RGL1: variants seen among roughly 807,000 people sequenced by gnomAD.
The protein encoded by RGL1 is ral guanine nucleotide dissociation stimulator-like 1.
In RGL1, 24 loss-of-function variants were observed where a neutral mutation model predicts 95.2. The observed-to-expected ratio is 0.25, with a 90% CI of 0.18 to 0.35. The LOEUF (loss-of-function observed/expected upper bound fraction) is 0.35. Among genes scored for constraint, RGL1 ranks in the 10% least tolerant of loss-of-function variants. The probability of loss-of-function intolerance (pLI) is 1.00; values close to 1 mark genes in which losing one functional copy is unlikely to be tolerated. For synonymous variants in RGL1, 329 were observed against 344.9 expected (o/e 0.95, Z 0.51); for missense variants, 715 against 936.3 (o/e 0.76, Z 3.08).
intron 2 of RGL1, among the ~76,000 whole-genome samples, chr1:183,776,638 G>T (rs1171001598): frequency 6.6e-6 from 1 of 152,204 alleles, no homozygotes; most frequent in Non-Finnish European, 1.5e-5. Flanking sequence ...TGGAGGCGGG[G>T]AGTGTCCCAT....
Position 183,926,252 on chromosome 1 carries a change from G to A in RGL1, c.2267G>A (p.Arg756Gln), listed in dbSNP as rs951455326. 1.1e-5 allele frequency: 18 copies of A among 1,613,030 alleles called. No homozygotes were observed. Among genetic ancestry groups the A allele is most frequent in the African/African-American group, 6.7e-5 (5 of 74,904 alleles). The change falls in exon 18 of 18, where the codon CGG becomes CAG. Residue 756 changes from arginine to glutamine, a missense_variant. Arg to Gln is a conservative substitution (Grantham distance 43). Transcript: ENST00000360851. ...TSLTLPRTAK[R>Q]GCWSNRHSKI... ...TTGACGTTGCCCAGGACAGCTAAAC[G>A]GGGCTGCTGGAGTAACAGACACAGC... is the stretch of plus-strand genomic sequence containing the variant.
chr1:183,916,102 G>T (rs536526539), intron 15 of RGL1, among the ~76,000 whole-genome samples: 1 of 152,174 alleles, frequency 6.6e-6, no homozygotes, highest in Non-Finnish European at 1.5e-5. Context: ...CTCCAGCCCC[G>T]TAAGCTTCTG....
At chr1:183,865,689 T>TG (rs1236892465) in intron 3 of RGL1, among the ~76,000 whole-genome samples, 2 of 152,208 alleles carry the variant, frequency 1.3e-5, no homozygotes, top group Non-Finnish European at 2.9e-5. Context: ...TATTATGTAA[T>TG]AGCCGATTCT....
At chr1:183,832,100 G>A (rs150629965) in intron 2 of RGL1, among the ~76,000 whole-genome samples, 4 of 152,282 alleles carry the variant, frequency 2.6e-5, no homozygotes, top group African/African-American at 7.2e-5. Flanking sequence ...GATAAGACTA[G>A]AGGCAAGTGA....
intron 9 of RGL1, among the ~76,000 whole-genome samples, chr1:183,894,297 C>T (rs1240293583): frequency 1.3e-5 from 2 of 152,214 alleles, no homozygotes; most frequent in South Asian, 2.1e-4. Flanking sequence ...AGAAGTGAAG[C>T]TGTATCTAGA....
intron 4 of RGL1, among the ~76,000 whole-genome samples, chr1:183,866,995 C>T (rs972674650): frequency 2.6e-5 from 4 of 152,032 alleles, no homozygotes; most frequent in Admixed American, 2.6e-4. Flanking sequence ...CAGATGCTTC[C>T]CAGGGTTGCG....
chr1:183,805,210 C>G lies in RGL1; in HGVS notation c.-88C>G. On this transcript the variant is annotated 5_prime_UTR_variant, in exon 1 of 18. Transcript: ENST00000360851. ...GCTCGGGACCGGGACCGGGGCGAGG[C>G]GCCGCGGGGCTGAGCCCAGCAGACA... 6.4e-7 allele frequency: 1 copy of G among 1,551,100 alleles called. No homozygotes were observed. The highest frequency in any genetic ancestry group is 8.7e-7 in the Non-Finnish European group (1 of 1,147,150).
chr1:183,883,874 A>G lies in RGL1; in HGVS notation c.699A>G (p.Glu233=), dbSNP rs1266941498. 6.2e-7 allele frequency: 1 copy of G among 1,614,098 alleles called. No homozygotes were observed. Among genetic ancestry groups the G allele is most frequent in the South Asian group, 1.1e-5 (1 of 91,086 alleles). ...GESAEFTCFS[E]DLVAEQLTYM... ...CAGCAGAATTCACGTGCTTCTCAGA[A>G]GATCTCGTGGCAGAGCAGCTGACCT... Residue 233 remains glutamate (E), a synonymous_variant, in exon 6 of 18, where the codon GAA becomes GAG. Transcript: ENST00000360851.
chr1:183,639,282 CAA>C (rs1306405130), intron 1 of RGL1, among the ~76,000 whole-genome samples: 12 of 70,800 alleles, frequency 1.7e-4, no homozygotes, highest in Admixed American at 3.3e-4. Flanking sequence ...CACTTCATCT[CAA>C]AAAAAAAAAA....
chr1:183,906,112 CA>C (rs879612126), intron 13 of RGL1, among the ~76,000 whole-genome samples: 45 of 141,140 alleles, frequency 3.2e-4, no homozygotes, highest in South Asian at 6.7e-4. Flanking sequence ...TAAGTATTTA[CA>C]AAAAAAAAAA....
At chr1:183,750,036 C>G (rs748770464) in intron 2 of RGL1, among the ~76,000 whole-genome samples, 49 of 152,198 alleles carry the variant, frequency 3.2e-4, no homozygotes, top group Non-Finnish European at 6.3e-4. Context: ...GATTATGTGT[C>G]TTGGGGTTGC....
At chr1:183,721,212 C>T (rs1655997840) in intron 1 of RGL1, among the ~76,000 whole-genome samples, 1 of 152,158 alleles carries the variant, frequency 6.6e-6, no homozygotes, top group Non-Finnish European at 1.5e-5. Flanking sequence ...CTCTGTGTAG[C>T]CTGGTTTCCT....
chr1:183,851,751 C>G (rs796873877), intron 3 of RGL1, among the ~76,000 whole-genome samples: 3 of 152,276 alleles, frequency 2.0e-5, no homozygotes, highest in African/African-American at 7.2e-5. Flanking sequence ...ATGAGTATTT[C>G]TTCCTTGCTT....
intron 1 of RGL1, among the ~76,000 whole-genome samples, chr1:183,679,267 C>T (rs1174681): frequency 0.4 from 60,494 of 151,612 alleles, 12,327 homozygotes; most frequent in African/African-American, 0.48. Context: ...CTTTAAGTTC[C>T]GGGATACATG....
intron 2 of RGL1, among the ~76,000 whole-genome samples, chr1:183,837,787 G>A (rs1455625862): frequency 6.6e-6 from 1 of 152,156 alleles, no homozygotes; most frequent in Non-Finnish European, 1.5e-5. Flanking sequence ...GGGGTTGAGG[G>A]GTGTTCGTTT....
intron 1 of RGL1, among the ~76,000 whole-genome samples, chr1:183,669,858 AG>A (rs146645503): frequency 0.073 from 11,149 of 152,188 alleles, 715 homozygotes; most frequent in African/African-American, 0.18. Flanking sequence ...GGCGAGAAAA[AG>A]GGGGAAAAAC....
At chr1:183,692,819 T>C (rs1254184307) in intron 1 of RGL1, among the ~76,000 whole-genome samples, 1 of 152,172 alleles carries the variant, frequency 6.6e-6, no homozygotes, top group African/African-American at 2.4e-5. Context: ...CATGGAACTG[T>C]TCTGGATCCT....
At chr1:183,637,749 A>C (rs528778630) in intron 1 of RGL1, among the ~76,000 whole-genome samples, 1 of 152,318 alleles carries the variant, frequency 6.6e-6, no homozygotes, top group South Asian at 2.1e-4. Flanking sequence ...TCAAGTTATG[A>C]ACACACACTG....
At chr1:183,918,273 A>G (rs1669106034) in intron 16 of RGL1, among the ~76,000 whole-genome samples, 1 of 151,968 alleles carries the variant, frequency 6.6e-6, no homozygotes, top group Non-Finnish European at 1.5e-5. Flanking sequence ...CACAGGGGGG[A>G]CGTGGTCTCG....
Sources: gnomAD v4.1 joint callset for allele counts (sites outside exome capture counted in the v4.1 genomes callset) on GRCh38, gnomAD v4.1.1 for gene constraint, MANE v1.5 for transcripts, NCBI Gene and HGNC (gene_info 2026-07-23, HGNC 2026-07-21) for gene names.